DMTF1: variants seen among roughly 807,000 people sequenced by gnomAD.
DMTF1 encodes the protein cyclin D binding myb like transcription factor 1.
DMTF1 carries 39 observed loss-of-function variants against 91.1 expected under a neutral mutation model. The observed-to-expected ratio is 0.43, with a 90% confidence interval of 0.33 to 0.56. The LOEUF is 0.56. Among genes scored for constraint, DMTF1 ranks in the 20% least tolerant of loss-of-function variants. The probability of loss-of-function intolerance (pLI) is 0.05; values close to 1 mark genes in which losing one functional copy is unlikely to be tolerated. For synonymous variants in DMTF1, 338 were observed against 309.5 expected (o/e 1.09, Z -0.97); for missense variants, 750 against 914.5 (o/e 0.82, Z 2.32).
At chr7:87,194,608 A>G (rs1480784206) in intron 16 of DMTF1, 76 bp from the exon 17 acceptor site, 6 of 1,115,412 alleles carry the variant, frequency 5.4e-6, no homozygotes, top group Admixed American at 4.1e-5. Flanking sequence ...AGTCTAACCT[A>G]TACATACCTA....
intron 10 of DMTF1, among the ~76,000 whole-genome samples, chr7:87,182,684 C>G (rs528010849): frequency 2.6e-5 from 4 of 152,170 alleles, no homozygotes; most frequent in South Asian, 4.1e-4. Flanking sequence ...GCCCATCTAA[C>G]TGTTGAATTT....
chr7:87,194,165 G>C, intron 16 of DMTF1, 63 bp downstream of exon 16: 1 of 1,493,120 alleles, frequency 6.7e-7, no homozygotes. Context: ...CTGCAGTTTG[G>C]GAAACTTTTT....
Position 87,194,807 on chromosome 7 carries a change from T to C in DMTF1, c.2152T>C (p.Leu718=). The change falls in exon 17 of 18, where the codon TTG becomes CTG. Residue 718 remains leucine (L), a synonymous_variant. Coordinates refer to ENST00000331242, the MANE Select transcript of DMTF1 (RefSeq NM_001142327.2). ...ASDVIDTESV[L]PLTTLTDPIL... ...TGATGTTATAGATACTGAATCTGTCTTGCCTTTGACAACACTAACAGGTAC... is the reference window on the plus strand; with the variant it reads ...TGATGTTATAGATACTGAATCTGTCCTGCCTTTGACAACACTAACAGGTAC... 6.2e-7 allele frequency: 1 copy of C among 1,611,914 alleles called. No individual in the cohort carries two copies. The highest frequency in any genetic ancestry group is 8.5e-7 in the Non-Finnish European group (1 of 1,178,896).
Position 87,195,073 on chromosome 7 carries a change from G to C in DMTF1, c.2216G>C (p.Gly739Ala). The change falls in exon 18 of 18, where the codon GGA becomes GCA. Residue 739 changes from glycine to alanine, a missense_variant. Around this residue, in one of 3 missense-constraint regions of DMTF1, gnomAD observed 410 missense variants for 420.2 expected, o/e 0.98. Coordinates refer to ENST00000331242, the MANE Select transcript of DMTF1 (RefSeq NM_001142327.2). ...QHHQEESNIIGSSLGSPVSED... is the reference protein window; with the variant it reads ...QHHQEESNIIASSLGSPVSED... ...CATCAGGAAGAATCAAATATCATTG[G>C]ATCATCCTTGGGCAGTCCTGTTTCA... 6.2e-7 allele frequency: 1 copy of C among 1,612,238 alleles called. No individual in the cohort carries two copies. The highest frequency in any genetic ancestry group is 1.1e-5 in the South Asian group (1 of 90,974).
chr7:87,193,437 C>G, intron 15 of DMTF1, 84 bp downstream of exon 15: 2 of 1,375,596 alleles, frequency 1.5e-6, no homozygotes, highest in Non-Finnish European at 2.0e-6. Flanking sequence ...AGGTAGTTAT[C>G]TAAACAGTTC....
chr7:87,183,882 G>A (rs1797886497), intron 10 of DMTF1, among the ~76,000 whole-genome samples: 1 of 152,200 alleles, frequency 6.6e-6, no homozygotes, highest in African/African-American at 2.4e-5. Flanking sequence ...AGTTGGGATA[G>A]TGAGGAAACA....
intron 1 of DMTF1, chr7:87,154,670 T>C (rs2129039586): frequency 6.6e-6 from 1 of 152,622 alleles, no homozygotes; most frequent in Middle Eastern, 3.4e-3. Flanking sequence ...GTTTGGGCGT[T>C]ATGACTTGAG....
intron 1 of DMTF1, among the ~76,000 whole-genome samples, chr7:87,156,619 A>G (rs1203044753): frequency 6.6e-6 from 1 of 152,122 alleles, no homozygotes; most frequent in African/African-American, 2.4e-5. Flanking sequence ...GTGCTTATGA[A>G]GATGTTATGC....
Position 87,184,274 on chromosome 7 carries a change from G to A in DMTF1, c.821-123G>A, listed in dbSNP as rs1200038751. 22 of 842,458 alleles carry A rather than the reference G, an allele frequency of 2.6e-5. No individual in the cohort carries two copies. In the Admixed American group the frequency reaches 5.6e-4, roughly 21 times the overall value. The allele number at this position is 842,458 out of a possible 1,614,324, so 52.2% of individuals were successfully genotyped here. A position where few individuals can be genotyped will look rare whatever the true frequency, so the allele number is the denominator to read the frequency against. ...GGGTATATATGGTTTTCCACCAGAG[G>A]GTCATTCAGAAACAAACTCTTAGTA... is the stretch of plus-strand genomic sequence containing the variant. On this transcript the variant is annotated intron_variant, in intron 10 of 17. Transcript: ENST00000331242.
chr7:87,188,761 G>A (rs1436007577), intron 13 of DMTF1, among the ~76,000 whole-genome samples: 1 of 152,092 alleles, frequency 6.6e-6, no homozygotes, highest in Non-Finnish European at 1.5e-5. Flanking sequence ...TTTCTTCAGG[G>A]AGTAAAGGGC....
At chr7:87,156,936 C>T (rs1207388057) in intron 1 of DMTF1, among the ~76,000 whole-genome samples, 1 of 152,044 alleles carries the variant, frequency 6.6e-6, no homozygotes, top group African/African-American at 2.4e-5. Flanking sequence ...GATCTATGTG[C>T]TCATTCAAAA....
At chr7:87,191,772 C>CTG in intron 14 of DMTF1, among the ~76,000 whole-genome samples, 1 of 152,122 alleles carries the variant, frequency 6.6e-6, no homozygotes, top group East Asian at 1.9e-4. Flanking sequence ...TTTCCTGCAG[C>CTG]TGAAGTGTAG....
chr7:87,165,171 AAGG>A, intron 3 of DMTF1, 121 bp downstream of exon 3: 1 of 511,302 alleles, frequency 2.0e-6, no homozygotes, highest in Non-Finnish European at 3.5e-6. Flanking sequence ...CACAGTAGAA[AAGG>A]AGATTATCTC....
intron 10 of DMTF1, 124 bp from the exon 11 acceptor site, chr7:87,184,273 G>T: frequency 1.2e-6 from 1 of 835,004 alleles, no homozygotes; most frequent in Non-Finnish European, 1.9e-6. Flanking sequence ...TTCCACCAGA[G>T]GGTCATTCAG....
Position 87,185,830 on chromosome 7 carries a change from A to G in DMTF1, c.1051A>G (p.Ile351Val), listed in dbSNP as rs952075653. The G allele has an allele frequency of 2.5e-6, 4 of 1,613,692 alleles. No individual in the cohort carries two copies. Among genetic ancestry groups the G allele is most frequent in the African/African-American group, 2.7e-5 (2 of 74,914 alleles). Reference sequence around the variant, plus strand: ...ACGATGCTTATTTTGTAACTGTAGGATAGCAGAACTTGATGTAGCTGATGA... The same window carrying G: ...ACGATGCTTATTTTGTAACTGTAGGGTAGCAGAACTTGATGTAGCTGATGA... ...KEDEINLILR[I>V]AELDVADEND... Residue 351 changes from isoleucine (I) to valine (V), a missense_variant and splice_region_variant, in exon 12 of 18, where the codon ATA (isoleucine) becomes GTA (valine). Transcript: ENST00000331242.
At chr7:87,182,360 C>T (rs764541816) in intron 10 of DMTF1, 23 bp downstream of exon 10, 17 of 1,612,470 alleles carry the variant, frequency 1.1e-5, no homozygotes, top group South Asian at 3.3e-5. Context: ...CTACTGGTAG[C>T]GTTTTCTTGT....
chr7:87,153,597 C>G (rs1374031926), intron 1 of DMTF1, among the ~76,000 whole-genome samples: 1 of 152,032 alleles, frequency 6.6e-6, no homozygotes, highest in South Asian at 2.1e-4. Flanking sequence ...TGTGTAGTTG[C>G]TTTTTTCGCA....
intron 6 of DMTF1, among the ~76,000 whole-genome samples, chr7:87,173,864 G>C (rs111748964): frequency 0.027 from 4,178 of 152,252 alleles, 78 homozygotes; most frequent in Middle Eastern, 0.071. Context: ...TTTCTCCCCT[G>C]ATTTGAAGTA....
intron 13 of DMTF1, among the ~76,000 whole-genome samples, chr7:87,188,710 C>T (rs1012761668): frequency 1.3e-4 from 20 of 151,966 alleles, no homozygotes; most frequent in African/African-American, 4.6e-4. Flanking sequence ...GATTTGAGGT[C>T]GTTTGGTAAA....
Sources: gnomAD v4.1 joint callset for allele counts (sites outside exome capture counted in the v4.1 genomes callset) on GRCh38, gnomAD v4.1.1 for gene constraint, gnomAD v4.1.1 regional missense constraint, MANE v1.5 for transcripts, NCBI Gene and HGNC (gene_info 2026-07-23, HGNC 2026-07-21) for gene names.